Variants in PRSS12 observed in about 807,000 individuals in gnomAD.
The protein encoded by PRSS12 is serine protease 12.
In PRSS12, 85 loss-of-function variants were observed where a neutral mutation model predicts 104.4. The observed-to-expected ratio is 0.81, with a 90% CI of 0.68 to 0.98. The LOEUF (loss-of-function observed/expected upper bound fraction) is 0.98. Among genes scored for constraint, PRSS12 ranks in the 50% least tolerant of loss-of-function variants. The pLI is 0.00. For missense variants in PRSS12, 1,141 were observed against 1,139.2 expected, an observed-to-expected ratio of 1.00 and a Z score of -0.02; for synonymous variants, 454 against 425.2, an observed-to-expected ratio of 1.07 and a Z score of -0.83.
intron 4 of PRSS12, among the ~76,000 whole-genome samples, chr4:118,328,845 G>GTA (rs1287008262): frequency 6.6e-6 from 1 of 152,072 alleles, no homozygotes; most frequent in Non-Finnish European, 1.5e-5. Context: ...CCAGGCTGGA[G>GTA]TACAGTGGTG....
At position 118,352,780 on chromosome 4, in the gene PRSS12, A is replaced by AGAGGAG. The variant is rs1418467703; in HGVS notation, c.-66_-61dup. 6.7e-7 allele frequency: 1 copy of AGAGGAG among 1,488,858 alleles called. No individual in the cohort carries two copies. The highest frequency in any genetic ancestry group is 1.4e-5 in the African/African-American group (1 of 70,940). The allele number at this position is 1,488,858 out of a possible 1,614,324, so 92.2% of individuals were successfully genotyped here. ...CAGCTTCTCGGGCTTGGAGCGGAGA[A>AGAGGAG]GAGGAGGGGGCGGGGGCGGGGCTGC... On this transcript the variant is annotated 5_prime_UTR_variant, in exon 1 of 13. Coordinates refer to ENST00000296498, the MANE Select transcript of PRSS12 (RefSeq NM_003619.4).
rs1026267441 is a variant in PRSS12, at chr4:118,308,449, G to A, written c.1618C>T (p.Gln540Ter). Residue 540 changes from glutamine (Q) to a stop codon, truncating the protein, a stop_gained, in exon 8 of 13, where the codon CAG (glutamine) becomes TAG (stop). Transcript: ENST00000296498. LOFTEE classifies it high-confidence loss of function. ...TDKDAAVICR[Q>*]LGYKGPARAR... ...GGTTTTCCTTACTTGTAGCCAAGCTGACGACAGATCACAGCTGCATCCTTA... is the reference window on the plus strand; with the variant it reads ...GGTTTTCCTTACTTGTAGCCAAGCTAACGACAGATCACAGCTGCATCCTTA... The A allele has an allele frequency of 4.3e-6, 7 of 1,613,900 alleles. No homozygotes were observed. The highest frequency in any genetic ancestry group is 5.1e-6 in the Non-Finnish European group (6 of 1,179,958).
intron 8 of PRSS12, among the ~76,000 whole-genome samples, chr4:118,305,569 A>G (rs896995766): frequency 6.6e-6 from 1 of 152,108 alleles, no homozygotes; most frequent in East Asian, 1.9e-4. Flanking sequence ...AAATATATCC[A>G]TCACCTCCAA....
intron 1 of PRSS12, among the ~76,000 whole-genome samples, chr4:118,348,218 A>G (rs925294981): frequency 6.6e-6 from 1 of 152,222 alleles, no homozygotes; most frequent in Non-Finnish European, 1.5e-5. Context: ...AATAAAAATA[A>G]AATAACCATA....
chr4:118,321,940 T>TAACG (rs1723637517), intron 4 of PRSS12, among the ~76,000 whole-genome samples: 1 of 152,166 alleles, frequency 6.6e-6, no homozygotes, highest in Admixed American at 6.5e-5. Context: ...GATTATAAGG[T>TAACG]AACGGCCCAG....
intron 5 of PRSS12, 36 bp downstream of exon 5, chr4:118,318,342 G>A (rs1723505461): frequency 2.5e-6 from 4 of 1,606,242 alleles, no homozygotes; most frequent in African/African-American, 2.7e-5. Context: ...GGTACTGGGG[G>A]CAAGAACTGG....
intron 9 of PRSS12, among the ~76,000 whole-genome samples, chr4:118,296,479 T>C (rs1743257320): frequency 6.6e-6 from 1 of 152,190 alleles, no homozygotes; most frequent in Admixed American, 6.5e-5. Context: ...ATTAAAAATA[T>C]ATAAAAAGGT....
rs77001249 is a variant in PRSS12 at position 118,337,645 on chromosome 4, C to T, written c.641+531G>A. On this transcript the variant is annotated intron_variant, in intron 2 of 12. Coordinates refer to ENST00000296498, the MANE Select transcript of PRSS12 (RefSeq NM_003619.4). ...CAAAACCTAAGGCCTGGGACATCAC[C>T]ACTTCCCCATCAAGGACAAGGGCAC... 6.8e-3 allele frequency among the ~76,000 whole-genome samples: 1,029 copies of T among 152,238 alleles called. 13 individuals carry two copies. The highest frequency in any genetic ancestry group is 0.023 in the African/African-American group (943 of 41,558).
In PRSS12 at chr4:118,352,406, G is replaced by C. The variant is rs776809807; in HGVS notation, c.315C>G (p.Phe105Leu). 6.5e-7 allele frequency: 1 copy of C among 1,538,360 alleles called. No homozygotes were observed. Among genetic ancestry groups the C allele is most frequent in the East Asian group, 2.4e-5 (1 of 41,234 alleles). The change falls in exon 1 of 13, where the codon TTC (phenylalanine) becomes TTG (leucine). Residue 105 changes from phenylalanine (F) to leucine (L), a missense_variant. Coordinates refer to ENST00000296498, the MANE Select transcript of PRSS12 (RefSeq NM_003619.4). ...CCGCCCACCGCAGACACGGGGCGCC[G>C]AAGTCCGTCACGCTGACCCATGGCT... is the stretch of plus-strand genomic sequence containing the variant. Reference protein sequence around the residue: ...AGEPWVSVTDFGAPCLRWAEV... With the variant: ...AGEPWVSVTDLGAPCLRWAEV...
chr4:118,306,953 C>T (rs1743571782), intron 8 of PRSS12, among the ~76,000 whole-genome samples: 1 of 151,694 alleles, frequency 6.6e-6, no homozygotes, highest in African/African-American at 2.4e-5. Context: ...TCACTTCCAC[C>T]AAGACAATAA....
chr4:118,292,297 A>C (rs1465761306), intron 11 of PRSS12, among the ~76,000 whole-genome samples: 4 of 152,280 alleles, frequency 2.6e-5, no homozygotes, highest in South Asian at 4.1e-4. Flanking sequence ...ATCATTCTTC[A>C]ACTACGTCTC....
At chr4:118,348,449 C>T (rs1724409975) in intron 1 of PRSS12, among the ~76,000 whole-genome samples, 4 of 152,204 alleles carry the variant, frequency 2.6e-5, no homozygotes, top group African/African-American at 9.7e-5. Context: ...TTCTGCCTGA[C>T]TGTGACAGAG....
Position 118,282,165 on chromosome 4 carries a change from C to A in PRSS12, c.2399G>T (p.Gly800Val). The stretch of plus-strand genomic sequence containing the variant: ...ACAAAGCATTCTCCCTGTAAACCGA[C>A]CCTTATAACGTTCTTCACAAAACCT... Reference protein sequence around the residue: ...PKRFCEERYKGRFTGRMLCAG... With the variant: ...PKRFCEERYKVRFTGRMLCAG... The change falls in exon 13 of 13, where the codon GGT becomes GTT. Residue 800 changes from glycine to valine, a missense_variant. By Grantham distance (109) the Gly-to-Val change is moderately radical (BLOSUM62 -3). Coordinates refer to ENST00000296498, the MANE Select transcript of PRSS12 (RefSeq NM_003619.4). 6.2e-7 allele frequency: 1 copy of A among 1,614,214 alleles called. No individual in the cohort carries two copies. Among genetic ancestry groups the A allele is most frequent in the Non-Finnish European group, 8.5e-7 (1 of 1,180,044 alleles).
chr4:118,295,010 A>G lies in PRSS12; in HGVS notation c.1968T>C (p.Asp656=), dbSNP rs776916062. The G allele has an allele frequency of 1.2e-5, 19 of 1,614,056 alleles. No homozygotes were observed. The Admixed American group carries it at 3.2e-4, about 27-fold the overall frequency. The change falls in exon 11 of 13, where the codon GAT becomes GAC. Residue 656 remains aspartate, a synonymous_variant. Transcript: ENST00000296498. ...GCGTAGCCCCGCAGAGGAGCCTGCC[A>G]TCTCCATGGGATGACTTCAGCCGGA... ...VSLRLKSSHG[D]GRLLCGATLL...
At position 118,316,837 on chromosome 4, in the gene PRSS12, A is replaced by AAAATAT. The variant is rs35698159; in HGVS notation, c.1151-515_1151-514insATATTT. 6.5e-3 allele frequency among the ~76,000 whole-genome samples: 641 copies of AAAATAT among 99,168 alleles called. 15 individuals carry two copies. Among genetic ancestry groups the AAAATAT allele is most frequent in the African/African-American group, 0.021 (592 of 28,876 alleles). 65.1% of individuals were successfully genotyped at this position (99,168 alleles called of 152,430 possible). A position where few individuals can be genotyped will look rare whatever the true frequency, so the allele number is the denominator to read the frequency against. On this transcript the variant is annotated intron_variant, in intron 5 of 12. Transcript: ENST00000296498. ...ACTCCGTCTCACGGAAAAAAAAAAAAATATATATATATATATATATCTTTC... is the reference window on the plus strand; with the variant it reads ...ACTCCGTCTCACGGAAAAAAAAAAAAAAATATATATATATATATATATATATCTTTC...
At chr4:118,298,170 T>G (rs1005846650) in intron 9 of PRSS12, among the ~76,000 whole-genome samples, 1 of 151,476 alleles carries the variant, frequency 6.6e-6, no homozygotes, top group African/African-American at 2.4e-5. Context: ...ATTAAATGTA[T>G]GCAGAGCTTT....
chr4:118,306,836 A>C (rs564343120), intron 8 of PRSS12, among the ~76,000 whole-genome samples: 23 of 152,318 alleles, frequency 1.5e-4, no homozygotes, highest in Non-Finnish European at 3.2e-4. Flanking sequence ...GAATATGCCT[A>C]GAAAATTTTT....
At chr4:118,323,820 T>TAC (rs889289450) in intron 4 of PRSS12, among the ~76,000 whole-genome samples, 40 of 151,556 alleles carry the variant, frequency 2.6e-4, no homozygotes, top group African/African-American at 6.8e-4. Context: ...TATATATATA[T>TAC]ACACACACAC....
At chr4:118,317,852 C>T (rs115549223) in intron 5 of PRSS12, among the ~76,000 whole-genome samples, 426 of 152,272 alleles carry the variant, frequency 2.8e-3, no homozygotes, top group African/African-American at 9.9e-3. Context: ...TAAGTACATA[C>T]ACGCACACCA....
Sources: allele counts gnomAD v4.1 joint callset (sites outside exome capture counted in the v4.1 genomes callset), GRCh38; gene constraint gnomAD v4.1.1; transcripts MANE v1.5; gene names NCBI Gene and HGNC (gene_info 2026-07-23, HGNC 2026-07-21).